Variants in DDAH1 observed in about 807,000 individuals in gnomAD.
The protein encoded by DDAH1 is dimethylarginine dimethylaminohydrolase 1.
A neutral mutation model predicts 28.8 loss-of-function variants in DDAH1; 19 were observed. The observed-to-expected ratio is 0.66, with a 90% CI of 0.46 to 0.97. DDAH1 has a LOEUF of 0.97. Ranked by LOEUF, DDAH1 falls within the 50% of genes least tolerant of loss-of-function variation. The probability of loss-of-function intolerance (pLI) is 0.00; values close to 1 mark genes in which losing one functional copy is unlikely to be tolerated. For synonymous variants in DDAH1, 153 were observed against 154.4 expected (o/e 0.99, Z 0.07); for missense variants, 326 against 375.9 (o/e 0.87, Z 1.10).
chr1:85,550,484 A>C (rs570067104), intron 1 of DDAH1, among the ~76,000 whole-genome samples: 1 of 152,288 alleles, frequency 6.6e-6, no homozygotes, highest in Admixed American at 6.5e-5. Flanking sequence ...TTAAAGGATA[A>C]TTAAGAGCTC....
At chr1:85,427,783 C>T (rs765573871) in intron 1 of DDAH1, among the ~76,000 whole-genome samples, 1 of 152,088 alleles carries the variant, frequency 6.6e-6, no homozygotes, top group Non-Finnish European at 1.5e-5. Context: ...TTTGAGCATA[C>T]ATTTTTTTTT....
intron 1 of DDAH1, among the ~76,000 whole-genome samples, chr1:85,461,779 C>T (rs1398344327): frequency 6.6e-6 from 1 of 152,098 alleles, no homozygotes; most frequent in Non-Finnish European, 1.5e-5. Flanking sequence ...AGATACAGAA[C>T]GGTAAACAGG....
At position 85,397,990 on chromosome 1, in the gene DDAH1, C is replaced by CT. The variant is rs11296270; in HGVS notation, c.304-39144dup. Among the ~76,000 whole-genome samples the CT allele has an allele frequency of 3.7e-3, 531 of 145,130 alleles. 1 individual carries two copies. Among genetic ancestry groups the CT allele is most frequent in the African/African-American group, 9.0e-3 (354 of 39,484 alleles). On this transcript the variant is annotated intron_variant, in intron 1 of 5. Transcript: ENST00000284031. ...GCAGAGCTGTAAGCCAAATAAACCT[C>CT]TTTTTTTTTTTTTTTCATAAATTAC... is the stretch of plus-strand genomic sequence containing the variant.
At chr1:85,561,389 A>G (rs1231852919) in intron 1 of DDAH1, among the ~76,000 whole-genome samples, 1 of 152,106 alleles carries the variant, frequency 6.6e-6, no homozygotes, top group African/African-American at 2.4e-5. Context: ...TGTTGTAAAA[A>G]GAAAAAACTA....
intron 4 of DDAH1, among the ~76,000 whole-genome samples, chr1:85,329,336 C>T (rs766698854): frequency 1.8e-4 from 27 of 152,340 alleles, no homozygotes; most frequent in Non-Finnish European, 2.8e-4. Flanking sequence ...CCCAACCTCA[C>T]CTCCTTGAGT....
chr1:85,330,183 C>T (rs1647674973), intron 4 of DDAH1, among the ~76,000 whole-genome samples: 1 of 152,224 alleles, frequency 6.6e-6, no homozygotes, highest in Non-Finnish European at 1.5e-5. Context: ...TGCTCTTGAA[C>T]ATCTTTCCCT....
intron 1 of DDAH1, among the ~76,000 whole-genome samples, chr1:85,421,371 G>A (rs146721569): frequency 4.0e-4 from 61 of 152,184 alleles, no homozygotes; most frequent in African/African-American, 1.3e-3. Flanking sequence ...TCCTCCACCC[G>A]CTTCAGTGAG....
At chr1:85,491,834 G>A (rs1249263956) in intron 2 of DDAH1, among the ~76,000 whole-genome samples, 1 of 152,026 alleles carries the variant, frequency 6.6e-6, no homozygotes, top group Non-Finnish European at 1.5e-5. Flanking sequence ...TTCTCAATAA[G>A]GCTTGTTCAA....
intron 1 of DDAH1, among the ~76,000 whole-genome samples, chr1:85,544,594 C>G (rs536208717): frequency 3.9e-5 from 6 of 152,204 alleles, no homozygotes; most frequent in African/African-American, 1.4e-4. Context: ...TGGTTTCATC[C>G]AGCCAGCCCT....
intron 1 of DDAH1, among the ~76,000 whole-genome samples, chr1:85,392,739 G>A (rs1651613449): frequency 6.8e-6 from 1 of 147,362 alleles, no homozygotes; most frequent in Non-Finnish European, 1.5e-5. Context: ...GTTGCAGTGA[G>A]CCGAGATCGC....
chr1:85,548,394 C>T (rs769603750), intron 1 of DDAH1, among the ~76,000 whole-genome samples: 1 of 152,130 alleles, frequency 6.6e-6, no homozygotes, highest in Non-Finnish European at 1.5e-5. Context: ...GCATCTGACT[C>T]CAAAGCTTGT....
chr1:85,462,763 C>A (rs1655184400), intron 1 of DDAH1, among the ~76,000 whole-genome samples: 1 of 152,188 alleles, frequency 6.6e-6, no homozygotes, highest in Non-Finnish European at 1.5e-5. Context: ...GCCTGGGAGG[C>A]CTGTTACCCT....
At chr1:85,479,172 T>C (rs1205243108) in intron 2 of DDAH1, among the ~76,000 whole-genome samples, 1 of 131,280 alleles carries the variant, frequency 7.6e-6, no homozygotes, top group Non-Finnish European at 1.6e-5. Flanking sequence ...TTTTTTTTTT[T>C]TTTTTTTTTT....
At chr1:85,500,204 C>CTTCCTTCCTTCCTTTCTTTT (rs1656772530) in intron 1 of DDAH1, among the ~76,000 whole-genome samples, 1 of 135,680 alleles carries the variant, frequency 7.4e-6, no homozygotes, top group African/African-American at 2.8e-5. Flanking sequence ...TCCTTCCTTT[C>CTTCCTTCCTTCCTTTCTTTT]TTCCTTCCTT....
At chr1:85,347,809 T>C (rs1648964843) in intron 4 of DDAH1, among the ~76,000 whole-genome samples, 2 of 152,140 alleles carry the variant, frequency 1.3e-5, no homozygotes, top group Non-Finnish European at 2.9e-5. Context: ...TTATTGATGG[T>C]TGTAACATAG....
chr1:85,445,937 ATAGTT>A (rs1269781874), intron 1 of DDAH1, among the ~76,000 whole-genome samples: 1 of 152,192 alleles, frequency 6.6e-6, no homozygotes, highest in Non-Finnish European at 1.5e-5. Context: ...AGCAATCCCA[ATAGTT>A]AAATGCCATC....
chr1:85,404,948 A>C (rs1288492186), intron 1 of DDAH1, among the ~76,000 whole-genome samples: 1 of 152,054 alleles, frequency 6.6e-6, no homozygotes, highest in Non-Finnish European at 1.5e-5. Flanking sequence ...GTTTTGCTTC[A>C]TTTTTGCCAG....
intron 1 of DDAH1, among the ~76,000 whole-genome samples, chr1:85,540,200 A>G (rs79167327): frequency 0.015 from 2,332 of 152,258 alleles, 23 homozygotes; most frequent in Middle Eastern, 0.037. Context: ...CTAAGTCAAC[A>G]ATCTTTCCAA....
At chr1:85,466,183 A>C (rs1165309223), upstream of DDAH1, among the ~76,000 whole-genome samples, 1 of 152,198 alleles carries the variant, frequency 6.6e-6, no homozygotes, top group Non-Finnish European at 1.5e-5. Context: ...CCCTCCCACA[A>C]GGGTGGTGTG....
Sources: gnomAD v4.1 joint callset for allele counts (sites outside exome capture counted in the v4.1 genomes callset) on GRCh38, gnomAD v4.1.1 for gene constraint, MANE v1.5 for transcripts, NCBI Gene and HGNC (gene_info 2026-07-23, HGNC 2026-07-21) for gene names.